The following SLC39A11 variants were observed in gnomAD, a reference collection of about 807,000 sequenced individuals.
SLC39A11 encodes the protein zinc transporter ZIP11.
Under a neutral mutation model 36.1 loss-of-function variants are expected in SLC39A11, and 33 were observed. The observed-to-expected ratio is 0.91, with a 90% CI of 0.69 to 1.22. The LOEUF is 1.22. SLC39A11 is among the 50% of genes most tolerant of loss of function. The pLI, the probability that SLC39A11 is intolerant of heterozygous loss-of-function variation, is 0.00. For synonymous variants in SLC39A11, 166 were observed against 170.3 expected (o/e 0.97, Z 0.20); for missense variants, 432 against 430.3 (o/e 1.00, Z -0.03).
At chr17:72,757,534 G>A (rs151234482) in intron 6 of SLC39A11, among the ~76,000 whole-genome samples, 2,477 of 150,638 alleles carry the variant, frequency 0.016, 81 homozygotes, top group African/African-American at 0.058. Context: ...GTTGTGGGAC[G>A]GCTTTTTGTC....
chr17:73,027,517 G>A (rs1174963002), intron 4 of SLC39A11, among the ~76,000 whole-genome samples: 2 of 152,212 alleles, frequency 1.3e-5, no homozygotes, highest in African/African-American at 4.8e-5. Context: ...CCAGTTTGGA[G>A]AGGAACTTGA....
At chr17:72,982,081 A>ATTTTT (rs11323990) in intron 4 of SLC39A11, among the ~76,000 whole-genome samples, 2 of 150,230 alleles carry the variant, frequency 1.3e-5, no homozygotes, top group African/African-American at 4.9e-5. Flanking sequence ...CATCTCTAAA[A>ATTTTT]TTTTTTTTTT....
intron 6 of SLC39A11, among the ~76,000 whole-genome samples, chr17:72,774,794 A>G (rs1000808876): frequency 6.6e-6 from 1 of 152,184 alleles, no homozygotes. Context: ...GGATCTAGCT[A>G]CATACATTTG....
chr17:73,018,793 TAA>T (rs923726767), intron 4 of SLC39A11, among the ~76,000 whole-genome samples: 2 of 143,422 alleles, frequency 1.4e-5, no homozygotes, highest in Non-Finnish European at 3.1e-5. Context: ...CAGCATACAA[TAA>T]AAAATTACTA....
intron 4 of SLC39A11, among the ~76,000 whole-genome samples, chr17:73,025,995 G>A (rs1045707175): frequency 6.6e-6 from 1 of 151,198 alleles, no homozygotes; most frequent in African/African-American, 2.5e-5. Context: ...GCAGGTGCCT[G>A]TAATCCCAGC....
chr17:72,965,690 G>A (rs1446774185), intron 4 of SLC39A11, among the ~76,000 whole-genome samples: 2 of 152,220 alleles, frequency 1.3e-5, no homozygotes, highest in African/African-American at 4.8e-5. Context: ...CCCACTGTAA[G>A]TCAAGGAGTA....
In SLC39A11 at chr17:73,045,386, T is replaced by TTAA. The variant is rs1491388715; in HGVS notation, c.148-13673_148-13672insTTA. Among the ~76,000 whole-genome samples the TTAA allele has an allele frequency of 2.9e-4, 12 of 41,726 alleles. No individual in the cohort carries two copies. The South Asian group carries it at 6.3e-3, about 22-fold the overall frequency. The allele number at this position is 41,726 out of a possible 152,430, so 27.4% of individuals were successfully genotyped here. Reference sequence around the variant, plus strand: ...ACCTCCAGTGCCATGAAAACAGAGTTAAAAAAAAAAAAAAAAAAAAAAAAA... The same window carrying TTAA: ...ACCTCCAGTGCCATGAAAACAGAGTTTAAAAAAAAAAAAAAAAAAAAAAAAAAA... On this transcript the variant is annotated intron_variant, in intron 3 of 9. Transcript: ENST00000255559.
At chr17:72,787,351 G>A (rs866225513) in intron 6 of SLC39A11, among the ~76,000 whole-genome samples, 9 of 132,926 alleles carry the variant, frequency 6.8e-5, no homozygotes, top group Admixed American at 1.8e-4. Context: ...TCCACCTCCC[G>A]GGTTCACGCC....
intron 7 of SLC39A11, chr17:72,712,730 G>A (rs2073162426): frequency 6.6e-6 from 1 of 152,144 alleles, no homozygotes; most frequent in Non-Finnish European, 1.5e-5. Context: ...AAGACCCTTA[G>A]TCAAAGGATA....
At chr17:73,039,956 T>C (rs2143448595) in intron 3 of SLC39A11, among the ~76,000 whole-genome samples, 1 of 152,302 alleles carries the variant, frequency 6.6e-6, no homozygotes, top group East Asian at 1.9e-4. Context: ...TTGTAAGAAA[T>C]TCTGCGGGCT....
intron 6 of SLC39A11, among the ~76,000 whole-genome samples, chr17:72,787,374 C>T (rs2076555686): frequency 6.6e-6 from 1 of 151,258 alleles, no homozygotes; most frequent in Non-Finnish European, 1.5e-5. Context: ...TCTCCTGCCT[C>T]AGCCTCCCGA....
intron 4 of SLC39A11, among the ~76,000 whole-genome samples, chr17:72,999,655 A>G (rs1362623767): frequency 6.6e-6 from 1 of 152,250 alleles, no homozygotes; most frequent in African/African-American, 2.4e-5. Context: ...GGAAGGCAAC[A>G]GGTCCATTTC....
intron 1 of SLC39A11, among the ~76,000 whole-genome samples, chr17:73,089,300 C>T (rs1421589563): frequency 6.6e-6 from 1 of 152,090 alleles, no homozygotes; most frequent in African/African-American, 2.4e-5. Flanking sequence ...TTTTGATACC[C>T]ACCAACCCCC....
At chr17:72,914,187 G>A (rs986035556) in intron 5 of SLC39A11, among the ~76,000 whole-genome samples, 2 of 151,762 alleles carry the variant, frequency 1.3e-5, no homozygotes, top group Non-Finnish European at 2.9e-5. Flanking sequence ...ACGGTGGCGG[G>A]CACCTGTAGT....
At chr17:72,945,291 C>A (rs2085367495) in intron 5 of SLC39A11, among the ~76,000 whole-genome samples, 1 of 152,196 alleles carries the variant, frequency 6.6e-6, no homozygotes, top group Non-Finnish European at 1.5e-5. Context: ...CAGAGTGTGG[C>A]CTTTCTAGTT....
At chr17:72,987,250 G>A (rs548667594) in intron 4 of SLC39A11, among the ~76,000 whole-genome samples, 35 of 152,296 alleles carry the variant, frequency 2.3e-4, no homozygotes, top group African/African-American at 8.4e-4. Context: ...CTGGCACTAT[G>A]CTTCTTATAC....
intron 7 of SLC39A11, among the ~76,000 whole-genome samples, chr17:72,663,210 C>T (rs1053743778): frequency 5.3e-5 from 8 of 152,186 alleles, no homozygotes; most frequent in Admixed American, 3.9e-4. Flanking sequence ...TTCTCCTTAA[C>T]ATATTTGAAA....
intron 4 of SLC39A11, among the ~76,000 whole-genome samples, chr17:72,995,353 T>C (rs28587953): frequency 1.3e-5 from 2 of 152,220 alleles, no homozygotes; most frequent in African/African-American, 4.8e-5. Flanking sequence ...ACTCATCATT[T>C]TCCCCAATGC....
chr17:72,859,942 C>A (rs1335443594), intron 5 of SLC39A11, among the ~76,000 whole-genome samples: 1 of 35,342 alleles, frequency 2.8e-5, no homozygotes, highest in Non-Finnish European at 6.5e-5. Context: ...GAGCAGAGAT[C>A]GCACCACTGC....
Sources: gnomAD v4.1 joint callset for allele counts (sites outside exome capture counted in the v4.1 genomes callset) on GRCh38, gnomAD v4.1.1 for gene constraint, MANE v1.5 for transcripts, NCBI Gene and HGNC (gene_info 2026-07-23, HGNC 2026-07-21) for gene names.